FGF12: variants seen among roughly 807,000 people sequenced by gnomAD.
FGF12 encodes fibroblast growth factor 12.
In FGF12, 14 loss-of-function variants were observed where a neutral mutation model predicts 23.6. The observed-to-expected ratio is 0.59, with a 90% confidence interval of 0.39 to 0.93. The LOEUF is 0.93. FGF12 is among the 40% of genes least tolerant of loss of function. The pLI, the probability that FGF12 is intolerant of heterozygous loss-of-function variation, is 0.00. For synonymous variants in FGF12, 62 were observed against 77.3 expected (o/e 0.80, Z 1.04); for missense variants, 175 against 217.8 (o/e 0.80, Z 1.24).
In FGF12 at chr3:192,163,628, C is replaced by A. The variant is rs554786721; in HGVS notation, c.427+6830G>T. On this transcript the variant is annotated intron_variant, in intron 5 of 5. Transcript: ENST00000445105. ...TAAACCTATAGAGTCCTAGGTCATA[C>A]ATAGGTTTCAAACATCAGATCACTT... Among the ~76,000 whole-genome samples, 515 of 152,216 alleles carry A rather than the reference C, an allele frequency of 3.4e-3. 1 individual carries two copies. Among genetic ancestry groups the A allele is most frequent in the African/African-American group, 0.011 (440 of 41,542 alleles).
intron 4 of FGF12, among the ~76,000 whole-genome samples, chr3:192,299,520 G>A (rs548853122): frequency 5.5e-4 from 83 of 152,156 alleles, no homozygotes; most frequent in African/African-American, 2.0e-3. Context: ...TGAATAAAAG[G>A]CTGAAAGACT....
chr3:192,420,519 C>T (rs1012622467), intron 2 of FGF12, among the ~76,000 whole-genome samples: 1 of 152,128 alleles, frequency 6.6e-6, no homozygotes, highest in Non-Finnish European at 1.5e-5. Flanking sequence ...TTGGTGCCCT[C>T]TCCACGGTAA....
At chr3:192,195,379 T>C (rs1353152893) in intron 4 of FGF12, among the ~76,000 whole-genome samples, 1 of 152,206 alleles carries the variant, frequency 6.6e-6, no homozygotes, top group Non-Finnish European at 1.5e-5. Context: ...CCTCAAAACA[T>C]TTAGGTCAAA....
At chr3:192,381,539 A>C (rs1317515578) in intron 2 of FGF12, among the ~76,000 whole-genome samples, 2 of 152,220 alleles carry the variant, frequency 1.3e-5, no homozygotes, top group South Asian at 2.1e-4. Flanking sequence ...CAGTTATTAT[A>C]ATTACAAATA....
chr3:192,656,280 G>GAT (rs1716414162), intron 2 of FGF12, among the ~76,000 whole-genome samples: 1 of 110,412 alleles, frequency 9.1e-6, no homozygotes, highest in African/African-American at 3.1e-5. Flanking sequence ...AAGGTGAAAA[G>GAT]ACACACACAC....
intron 4 of FGF12, among the ~76,000 whole-genome samples, chr3:192,217,153 A>C (rs1451336345): frequency 6.6e-6 from 1 of 152,142 alleles, no homozygotes; most frequent in Non-Finnish European, 1.5e-5. Context: ...AATTAACCAC[A>C]CAAGGCCTTA....
At chr3:192,516,830 T>A (rs1470698541) in intron 2 of FGF12, 1 of 152,246 alleles carries the variant, frequency 6.6e-6, no homozygotes, top group Non-Finnish European at 1.5e-5. Flanking sequence ...ACCGAAGAAG[T>A]TATGCAGCCC....
intron 4 of FGF12, among the ~76,000 whole-genome samples, chr3:192,314,712 C>T (rs1461099537): frequency 6.6e-6 from 1 of 152,124 alleles, no homozygotes; most frequent in Non-Finnish European, 1.5e-5. Context: ...CTCATTGATA[C>T]AGGAAAGTAA....
intron 4 of FGF12, among the ~76,000 whole-genome samples, chr3:192,264,170 T>C (rs1170932028): frequency 1.3e-5 from 2 of 152,056 alleles, no homozygotes; most frequent in East Asian, 3.9e-4. Context: ...TTTGTTTTCA[T>C]ATATCACCAT....
intron 2 of FGF12, among the ~76,000 whole-genome samples, chr3:192,596,112 T>TATAATATAATATAAC (rs1404464502): frequency 4.9e-5 from 7 of 144,304 alleles, no homozygotes; most frequent in African/African-American, 1.8e-4. Flanking sequence ...TATAATATAA[T>TATAATATAATATAAC]ATAATATAAT....
intron 4 of FGF12, among the ~76,000 whole-genome samples, chr3:192,207,579 T>C (rs1037788125): frequency 2.6e-5 from 4 of 152,142 alleles, no homozygotes; most frequent in Non-Finnish European, 5.9e-5. Context: ...GGCTAGAGCA[T>C]ATGGCATGTA....
intron 2 of FGF12, among the ~76,000 whole-genome samples, chr3:192,579,654 A>G (rs140658383): frequency 1.0e-3 from 153 of 152,204 alleles, no homozygotes; most frequent in African/African-American, 2.5e-3. Context: ...CCGGGGTTCA[A>G]TGCCTCTGGG....
intron 2 of FGF12, among the ~76,000 whole-genome samples, chr3:192,653,447 A>G (rs1716284785): frequency 6.6e-6 from 1 of 152,166 alleles, no homozygotes; most frequent in African/African-American, 2.4e-5. Flanking sequence ...AATCTGTCAA[A>G]GCCATGCTCC....
At chr3:192,641,404 CTTTT>C (rs1186966084) in intron 2 of FGF12, among the ~76,000 whole-genome samples, 3 of 30,260 alleles carry the variant, frequency 9.9e-5, no homozygotes, top group African/African-American at 2.2e-4. Flanking sequence ...CGCGCCCGGC[CTTTT>C]TTTTTTTTTT....
chr3:192,350,660 T>C (rs931409044), intron 3 of FGF12, among the ~76,000 whole-genome samples: 5 of 152,008 alleles, frequency 3.3e-5, no homozygotes, highest in African/African-American at 1.2e-4. Context: ...AAGAACATGG[T>C]TGGTGTGTTT....
At chr3:192,711,362 G>A (rs919571569) in intron 2 of FGF12, among the ~76,000 whole-genome samples, 2 of 151,826 alleles carry the variant, frequency 1.3e-5, no homozygotes, top group Non-Finnish European at 2.9e-5. Context: ...CGTCCCGTCC[G>A]GGAGGTGGGG....
At chr3:192,228,847 T>C (rs1331603833) in intron 4 of FGF12, among the ~76,000 whole-genome samples, 2 of 152,118 alleles carry the variant, frequency 1.3e-5, no homozygotes, top group Admixed American at 1.3e-4. Context: ...CTTTTAATAC[T>C]GCGTCTGAGG....
intron 2 of FGF12, among the ~76,000 whole-genome samples, chr3:192,476,783 A>G (rs535406691): frequency 6.6e-6 from 1 of 152,332 alleles, no homozygotes; most frequent in African/African-American, 2.4e-5. Context: ...GACTGATTAT[A>G]GCCAAATTGT....
At chr3:192,329,910 C>A (rs1325024512) in intron 4 of FGF12, among the ~76,000 whole-genome samples, 3 of 152,136 alleles carry the variant, frequency 2.0e-5, no homozygotes, top group Admixed American at 6.6e-5. Flanking sequence ...AAGTTTCCAA[C>A]ATGCTTAACC....
Sources: allele counts gnomAD v4.1 joint callset (sites outside exome capture counted in the v4.1 genomes callset), GRCh38; gene constraint gnomAD v4.1.1; transcripts MANE v1.5; gene names NCBI Gene and HGNC (gene_info 2026-07-23, HGNC 2026-07-21).